The following CCM2 variants were observed in gnomAD, a reference collection of about 807,000 sequenced individuals.
CCM2 encodes cerebral cavernous malformations 2 protein.
CCM2 carries 25 observed loss-of-function variants against 44.9 expected under a neutral mutation model. That is an observed-to-expected ratio of 0.56 (90% CI 0.41 to 0.78). The LOEUF is 0.78. Ranked by LOEUF, CCM2 falls within the 30% of genes least tolerant of loss-of-function variation. CCM2 has a pLI of 0.00. For missense variants in CCM2, 481 were observed against 580.6 expected (o/e 0.83, Z 1.76); for synonymous variants, 219 against 241.1 (o/e 0.91, Z 0.85).
intron 2 of CCM2, among the ~76,000 whole-genome samples, chr7:45,059,510 C>T (rs1003041702): frequency 2.6e-5 from 4 of 151,878 alleles, no homozygotes; most frequent in East Asian, 1.9e-4. Flanking sequence ...TTTTGAAGGC[C>T]GAGGCGGGCG....
At chr7:45,058,401 G>A (rs1167778622) in intron 2 of CCM2, among the ~76,000 whole-genome samples, 2 of 151,912 alleles carry the variant, frequency 1.3e-5, no homozygotes, top group Non-Finnish European at 2.9e-5. Flanking sequence ...CATGTGCCAT[G>A]TTGGTGTGCT....
At chr7:45,064,894 G>A (rs970140231) in intron 4 of CCM2, among the ~76,000 whole-genome samples, 4 of 152,164 alleles carry the variant, frequency 2.6e-5, no homozygotes, top group African/African-American at 4.8e-5. Context: ...TTTAGGACTG[G>A]TATCCTGTTC....
At chr7:45,000,624 C>T (rs1795570244) in intron 1 of CCM2, among the ~76,000 whole-genome samples, 1 of 152,142 alleles carries the variant, frequency 6.6e-6, no homozygotes, top group Non-Finnish European at 1.5e-5. Context: ...CCCTGCGCGT[C>T]GGGACCTGGG....
At chr7:45,061,596 TA>T (rs760170997) in intron 2 of CCM2, among the ~76,000 whole-genome samples, 2 of 151,784 alleles carry the variant, frequency 1.3e-5, no homozygotes, top group Non-Finnish European at 2.9e-5. Context: ...GCCTCCTGAG[TA>T]GCTGGCACCA....
chr7:45,060,345 T>G (rs1250448271), intron 2 of CCM2, among the ~76,000 whole-genome samples: 1 of 152,216 alleles, frequency 6.6e-6, no homozygotes, highest in African/African-American at 2.4e-5. Flanking sequence ...AATTCCCAGA[T>G]TTCTGCAAAG....
In CCM2 at chr7:45,049,699, TAG is replaced by T. The variant is rs147208369; in HGVS notation, c.204+11274_204+11275del. 2.4e-3 allele frequency among the ~76,000 whole-genome samples: 371 copies of T among 152,358 alleles called. 2 individuals are homozygous for T. The highest frequency in any genetic ancestry group is 8.3e-3 in the African/African-American group (347 of 41,568). On this transcript the variant is annotated intron_variant, in intron 2 of 9. Transcript: ENST00000258781. The stretch of plus-strand genomic sequence containing the variant: ...AAAGTGGAGTTTCTAGATCTAAGGC[TAG>T]GTTACTTTTTAATTTGACAGACATT...
At chr7:45,038,144 T>C in intron 1 of CCM2, 109 bp from the exon 2 acceptor site, 1 of 1,298,064 alleles carries the variant, frequency 7.7e-7, no homozygotes, top group Non-Finnish European at 1.1e-6. Flanking sequence ...TGATCCCTGT[T>C]GCATGGGGGC....
At chr7:45,004,774 G>A (rs1303381131) in intron 1 of CCM2, among the ~76,000 whole-genome samples, 3 of 152,116 alleles carry the variant, frequency 2.0e-5, no homozygotes, top group Admixed American at 1.3e-4. Flanking sequence ...TTGGGAGGCT[G>A]AGGTGGGTGG....
Position 45,076,136 on chromosome 7 carries a change from G to T in CCM2, c.*79G>T. 1.3e-6 allele frequency: 2 copies of T among 1,589,796 alleles called. No individual in the cohort carries two copies. The highest frequency in any genetic ancestry group is 1.7e-6 in the Non-Finnish European group (2 of 1,170,380). On this transcript the variant is annotated 3_prime_UTR_variant, in exon 10 of 10. Transcript: ENST00000258781. ...CCCAGAAGGAGCTGCCCAGACCTGC[G>T]TGTCAGCCCTTGGTGGTGGCCAGGG...
chr7:45,070,007 G>A, intron 6 of CCM2, 46 bp downstream of exon 6: 1 of 1,607,360 alleles, frequency 6.2e-7, no homozygotes, highest in African/African-American at 1.3e-5. Context: ...GGGACAGGAG[G>A]GGCTACTGCA....
At position 45,064,013 on chromosome 7, in the gene CCM2, C is replaced by T. The variant is rs762950833; in HGVS notation, c.288+12C>T. On this transcript the variant is annotated intron_variant, in intron 3 of 9. Transcript: ENST00000258781. Reference sequence around the variant, plus strand: ...TAGACAATGCAAAGGTAACCCTATCCTCTTAACCCTGTGCACTAGCCCTCA... The same window carrying T: ...TAGACAATGCAAAGGTAACCCTATCTTCTTAACCCTGTGCACTAGCCCTCA... The T allele has an allele frequency of 1.9e-6, 3 of 1,590,492 alleles. No homozygotes were observed. Among genetic ancestry groups the T allele is most frequent in the Non-Finnish European group, 2.6e-6 (3 of 1,158,652 alleles).
intron 2 of CCM2, among the ~76,000 whole-genome samples, chr7:45,059,756 A>G (rs1000215339): frequency 2.0e-5 from 3 of 151,992 alleles, no homozygotes; most frequent in African/African-American, 4.8e-5. Flanking sequence ...GTATGTGTGT[A>G]TATATATATA....
At position 45,038,361 on chromosome 7, in the gene CCM2, T is replaced by C. The variant is rs139113713; in HGVS notation, c.139T>C (p.Leu47=). The C allele has an allele frequency of 5.6e-6, 9 of 1,614,052 alleles. No individual in the cohort carries two copies. Among genetic ancestry groups the C allele is most frequent in the Non-Finnish European group, 7.6e-6 (9 of 1,180,042 alleles). Residue 47 remains leucine (L), a synonymous_variant, in exon 2 of 10, where the codon TTG becomes CTG. Transcript: ENST00000258781. ...TERRPLHTVV[L]SLPERVEPDR... ...GAGGCGCCCTCTGCACACTGTGGTG[T>C]TGTCATTGCCTGAGCGCGTCGAGCC... is the stretch of plus-strand genomic sequence containing the variant.
At chr7:45,051,344 G>T (rs1288184018) in intron 2 of CCM2, among the ~76,000 whole-genome samples, 1 of 152,172 alleles carries the variant, frequency 6.6e-6, no homozygotes, top group Non-Finnish European at 1.5e-5. Flanking sequence ...CTCCCAGCTG[G>T]CCACAGCTCT....
Position 45,074,422 on chromosome 7 carries a change from G to A in CCM2, c.1054+14G>A. 3 of 1,609,756 alleles carry A rather than the reference G, an allele frequency of 1.9e-6. No individual in the cohort carries two copies. The highest frequency in any genetic ancestry group is 2.5e-6 in the Non-Finnish European group (3 of 1,177,536). ...TCCTGCTGCTTGGTGAGTGGGCCCT[G>A]GAAAGAGGGTGGCTTGTCCAAACCT... On this transcript the variant is annotated intron_variant, in intron 9 of 9. Coordinates refer to ENST00000258781, the MANE Select transcript of CCM2 (RefSeq NM_031443.4).
At chr7:45,028,674 A>G (rs1007709601) in intron 1 of CCM2, among the ~76,000 whole-genome samples, 2 of 152,066 alleles carry the variant, frequency 1.3e-5, no homozygotes, top group African/African-American at 4.8e-5. Context: ...AAGAAAAGAA[A>G]GAAATTAGCC....
chr7:45,068,965 C>T (rs533264721), intron 5 of CCM2, among the ~76,000 whole-genome samples: 1 of 152,360 alleles, frequency 6.6e-6, no homozygotes, highest in South Asian at 2.1e-4. Flanking sequence ...GGTGCCCCCA[C>T]GCTGATGGGC....
At chr7:45,008,356 C>CTTTTTTTTTTTT (rs59435094) in intron 1 of CCM2, among the ~76,000 whole-genome samples, 1 of 114,776 alleles carries the variant, frequency 8.7e-6, no homozygotes, top group Non-Finnish European at 1.7e-5. Flanking sequence ...GGTACATGTT[C>CTTTTTTTTTTTT]TTTTTTTTTT....
intron 1 of CCM2, among the ~76,000 whole-genome samples, chr7:45,016,414 C>G (rs1198509205): frequency 6.6e-6 from 1 of 152,050 alleles, no homozygotes; most frequent in African/African-American, 2.4e-5. Flanking sequence ...ACTGCAACCT[C>G]TGCCTCCCGG....
Sources: allele counts gnomAD v4.1 joint callset (sites outside exome capture counted in the v4.1 genomes callset), GRCh38; gene constraint gnomAD v4.1.1; transcripts MANE v1.5; gene names NCBI Gene and HGNC (gene_info 2026-07-23, HGNC 2026-07-21).